SRRM4: variants seen among roughly 807,000 people sequenced by gnomAD.
SRRM4 encodes the protein serine/arginine repetitive matrix 4.
A neutral mutation model predicts 68.9 loss-of-function variants in SRRM4; 33 were observed. That is an observed-to-expected ratio of 0.48 (90% CI 0.36 to 0.64). SRRM4 has a LOEUF of 0.64. Ranked by LOEUF, SRRM4 falls within the 30% of genes least tolerant of loss-of-function variation. The probability of loss-of-function intolerance (pLI) is 0.00; values close to 1 mark genes in which losing one functional copy is unlikely to be tolerated. For missense variants in SRRM4, 817 were observed against 827.1 expected (o/e 0.99, Z 0.15); for synonymous variants, 318 against 318.8 (o/e 1.00, Z 0.03).
chr12:119,136,243 C>T lies in SRRM4; in HGVS notation c.771+5409C>T, dbSNP rs1954327460. 2.0e-5 allele frequency among the ~76,000 whole-genome samples: 3 copies of T among 152,300 alleles called. No homozygotes were observed. In the South Asian group the frequency reaches 6.2e-4, roughly 32 times the overall value. ...AAAGGCGAGATGGGAATATGCTTCC[C>T]CCTTTGTAGATAGGGAAAATAGGGC... On this transcript the variant is annotated intron_variant, in intron 8 of 12. Coordinates refer to ENST00000267260, the MANE Select transcript of SRRM4 (RefSeq NM_194286.4).
At chr12:118,988,292 G>GCCCC (rs1953295616) in intron 1 of SRRM4, among the ~76,000 whole-genome samples, 1 of 152,196 alleles carries the variant, frequency 6.6e-6, no homozygotes, top group South Asian at 2.1e-4. Flanking sequence ...TCAGACCTTT[G>GCCCC]CCCCCAGCAG....
intron 1 of SRRM4, among the ~76,000 whole-genome samples, chr12:119,027,216 C>G (rs1953554439): frequency 6.6e-6 from 1 of 152,154 alleles, no homozygotes; most frequent in Admixed American, 6.5e-5. Flanking sequence ...ACCCACCCAC[C>G]CAACCAGACT....
intron 2 of SRRM4, among the ~76,000 whole-genome samples, chr12:119,103,226 T>A (rs917798417): frequency 6.6e-6 from 1 of 152,160 alleles, no homozygotes; most frequent in African/African-American, 2.4e-5. Flanking sequence ...CTGGAGTCAT[T>A]TTTTTTCTTT....
At chr12:119,004,280 C>T (rs1290401919) in intron 1 of SRRM4, among the ~76,000 whole-genome samples, 2 of 152,070 alleles carry the variant, frequency 1.3e-5, no homozygotes, top group Admixed American at 1.3e-4. Flanking sequence ...TCTCCTGATC[C>T]CTTTAGGGTC....
chr12:119,034,149 A>T (rs1472406621), intron 1 of SRRM4, among the ~76,000 whole-genome samples: 1 of 152,192 alleles, frequency 6.6e-6, no homozygotes, highest in East Asian at 1.9e-4. Flanking sequence ...AGCTGCAAGG[A>T]GGTCTCAGTG....
At chr12:119,116,058 C>A (rs1954178031) in intron 3 of SRRM4, among the ~76,000 whole-genome samples, 1 of 151,964 alleles carries the variant, frequency 6.6e-6, no homozygotes, top group Non-Finnish European at 1.5e-5. Context: ...CTGGTTCCCC[C>A]ACAGTCCCCA....
At chr12:119,050,556 G>A (rs891547216) in intron 1 of SRRM4, among the ~76,000 whole-genome samples, 1 of 152,222 alleles carries the variant, frequency 6.6e-6, no homozygotes, top group Admixed American at 6.5e-5. Context: ...GCAGCAGAGT[G>A]TAAGACCTTT....
Position 119,145,671 on chromosome 12 carries a change from G to A in SRRM4, c.1062G>A (p.Arg354=). 1 of 1,521,480 alleles carries A rather than the reference G, an allele frequency of 6.6e-7. No individual in the cohort carries two copies. Among genetic ancestry groups the A allele is most frequent in the South Asian group, 1.3e-5 (1 of 75,554 alleles). The allele number at this position is 1,521,480 out of a possible 1,614,324, so 94.2% of individuals were successfully genotyped here. A position where few individuals can be genotyped will look rare whatever the true frequency, so the allele number is the denominator to read the frequency against. ...TGGAGAATCTCTCCCCCACCAGCAG[G>A]GGCAGAGAGTCAAGGTCAGTGCACC... The part of the protein sequence containing the change: ...AMLENLSPTS[R]GRESRGFQSP... Residue 354 remains arginine (R), a synonymous_variant, in exon 9 of 13, where the codon AGG becomes AGA. Transcript: ENST00000267260.
chr12:119,113,578 G>A (rs1954157912), intron 2 of SRRM4, among the ~76,000 whole-genome samples: 4 of 152,120 alleles, frequency 2.6e-5, no homozygotes, highest in Admixed American at 2.6e-4. Context: ...TCCCCTTGAG[G>A]TTCCACTAGG....
intron 2 of SRRM4, among the ~76,000 whole-genome samples, chr12:119,110,803 G>T (rs1954138086): frequency 6.6e-6 from 1 of 152,144 alleles, no homozygotes; most frequent in Non-Finnish European, 1.5e-5. Flanking sequence ...CCCTGCTTTG[G>T]CTCATGCTCC....
chr12:119,088,779 A>AC (rs1339728309), intron 1 of SRRM4, among the ~76,000 whole-genome samples: 2 of 152,112 alleles, frequency 1.3e-5, no homozygotes, highest in Non-Finnish European at 2.9e-5. Flanking sequence ...TAGAGAAGGC[A>AC]CTCTGGGCAG....
At chr12:119,092,706 C>A (rs2136037513) in intron 1 of SRRM4, among the ~76,000 whole-genome samples, 2 of 152,316 alleles carry the variant, frequency 1.3e-5, no homozygotes, top group Middle Eastern at 6.8e-3. Flanking sequence ...CACTGGTCTT[C>A]CGTATCTATT....
chr12:119,029,242 C>A (rs1386482674), intron 1 of SRRM4, among the ~76,000 whole-genome samples: 3 of 152,156 alleles, frequency 2.0e-5, no homozygotes, highest in East Asian at 1.9e-4. Flanking sequence ...AAGCAAAGGA[C>A]AAGGACAGTG....
intron 11 of SRRM4, 92 bp downstream of exon 11, chr12:119,153,741 C>T (rs1954454489): frequency 1.1e-6 from 1 of 916,928 alleles, no homozygotes; most frequent in East Asian, 2.6e-5. Context: ...GTTCTCGGGC[C>T]TTCTTCCTCT....
At position 119,070,218 on chromosome 12, in the gene SRRM4, A is replaced by G. The variant is rs1207160900; in HGVS notation, c.132-32018A>G. On this transcript the variant is annotated intron_variant, in intron 1 of 12. Coordinates refer to ENST00000267260, the MANE Select transcript of SRRM4 (RefSeq NM_194286.4). ...CCAGAAGCTTCTTCACACAGGTGAGAAAAAAAAAAAAAAAACTAGCCACTT... is the reference window on the plus strand; with the variant it reads ...CCAGAAGCTTCTTCACACAGGTGAGGAAAAAAAAAAAAAAACTAGCCACTT... Among the ~76,000 whole-genome samples, 11 of 2,978 alleles carry G rather than the reference A, an allele frequency of 3.7e-3. 1 individual carries two copies. The highest frequency in any genetic ancestry group is 9.9e-3 in the African/African-American group (5 of 506). 2.0% of individuals were successfully genotyped at this position (2,978 alleles called of 152,430 possible).
At position 119,161,392 on chromosome 12, in the gene SRRM4, C is replaced by T. The variant is rs1954512707; in HGVS notation, c.*4594C>T. On this transcript the variant is annotated 3_prime_UTR_variant, in exon 13 of 13. Coordinates refer to ENST00000267260, the MANE Select transcript of SRRM4 (RefSeq NM_194286.4). Reference sequence around the variant, plus strand: ...TGCTTTATTGAAGTCTCGTTCTTCTCACTTCTGCACCAGTGAGCCAATGAT... The same window carrying T: ...TGCTTTATTGAAGTCTCGTTCTTCTTACTTCTGCACCAGTGAGCCAATGAT... 1 of 152,194 alleles carries T rather than the reference C, an allele frequency of 6.6e-6. No individual in the cohort carries two copies. The highest frequency in any genetic ancestry group is 2.4e-5 in the African/African-American group (1 of 41,452). 9.4% of individuals were successfully genotyped at this position (152,194 alleles called of 1,614,324 possible). A position where few individuals can be genotyped will look rare whatever the true frequency, so the allele number is the denominator to read the frequency against.
At chr12:119,110,585 T>G (rs1417210876) in intron 2 of SRRM4, among the ~76,000 whole-genome samples, 1 of 152,222 alleles carries the variant, frequency 6.6e-6, no homozygotes, top group Non-Finnish European at 1.5e-5. Context: ...CTGCTGTGCT[T>G]GCAGTGAGTG....
intron 4 of SRRM4, 146 bp downstream of exon 4, chr12:119,117,154 A>T: frequency 1.4e-6 from 1 of 718,190 alleles, no homozygotes; most frequent in East Asian, 2.8e-5. Context: ...GTCTTGTGTA[A>T]GCTGGGACTG....
intron 7 of SRRM4, among the ~76,000 whole-genome samples, chr12:119,127,178 G>C: frequency 6.6e-6 from 1 of 151,586 alleles, no homozygotes; most frequent in Non-Finnish European, 1.5e-5. Context: ...CCTGCACATT[G>C]TATACATGTA....
Sources: gnomAD v4.1 joint callset for allele counts (sites outside exome capture counted in the v4.1 genomes callset) on GRCh38, gnomAD v4.1.1 for gene constraint, MANE v1.5 for transcripts, NCBI Gene and HGNC (gene_info 2026-07-23, HGNC 2026-07-21) for gene names.